The following ACTG2 variants were observed in gnomAD, a reference collection of about 807,000 sequenced individuals.
ACTG2 encodes the protein actin, gamma-enteric smooth muscle.
In ACTG2, 16 loss-of-function variants were observed where a neutral mutation model predicts 37.6. The observed-to-expected ratio is 0.43, with a 90% CI of 0.29 to 0.65. The LOEUF (loss-of-function observed/expected upper bound fraction) is 0.65. ACTG2 is among the 30% of genes least tolerant of loss of function. The probability of loss-of-function intolerance (pLI) is 0.18; values close to 1 mark genes in which losing one functional copy is unlikely to be tolerated. For synonymous variants in ACTG2, 181 were observed against 179.9 expected (o/e 1.01, Z -0.05); for missense variants, 238 against 490.9 (o/e 0.48, Z 4.87).
intron 5 of ACTG2, among the ~76,000 whole-genome samples, chr2:73,913,022 A>G (rs1653267): frequency 0.6 from 91,370 of 151,442 alleles, 28,489 homozygotes; most frequent in Admixed American, 0.72. Context: ...ACAAAAAATT[A>G]GCCGGGCGTG....
At chr2:73,903,768 C>T (rs191135752) in intron 3 of ACTG2, among the ~76,000 whole-genome samples, 147 of 151,918 alleles carry the variant, frequency 9.7e-4, no homozygotes, top group African/African-American at 3.3e-3. Context: ...GATGAAACCC[C>T]GTCTCTACTA....
At chr2:73,898,039 A>G (rs11898884) in intron 1 of ACTG2, among the ~76,000 whole-genome samples, 6,327 of 152,254 alleles carry the variant, frequency 0.042, 429 homozygotes, top group African/African-American at 0.14. Context: ...GGGCTGTAAA[A>G]AGTAAATCTA....
chr2:73,903,822 C>A (rs1679943107), intron 3 of ACTG2, among the ~76,000 whole-genome samples: 2 of 151,710 alleles, frequency 1.3e-5, no homozygotes, highest in Admixed American at 1.3e-4. Flanking sequence ...TGCCTGTAAT[C>A]CCAGCTACTC....
At chr2:73,901,932 T>A (rs1241968050) in intron 2 of ACTG2, 3 of 194,048 alleles carry the variant, frequency 1.5e-5, no homozygotes, top group Non-Finnish European at 3.1e-5. Context: ...TATCTGAGAA[T>A]AAGAAGGATT....
intron 1 of ACTG2, among the ~76,000 whole-genome samples, chr2:73,899,053 G>A (rs181196186): frequency 3.3e-5 from 5 of 151,962 alleles, no homozygotes; most frequent in East Asian, 3.9e-4. Context: ...GTCGTGATCC[G>A]CCCACCTTGG....
chr2:73,898,105 C>T (rs904756601), intron 1 of ACTG2, among the ~76,000 whole-genome samples: 5 of 151,962 alleles, frequency 3.3e-5, no homozygotes, highest in African/African-American at 1.2e-4. Flanking sequence ...GAACACAGAC[C>T]CTTTTGTTTT....
chr2:73,919,565 A>G lies in ACTG2; in HGVS notation c.1121A>G (p.Lys374Arg). The G allele has an allele frequency of 6.2e-7, 1 of 1,614,038 alleles. No homozygotes were observed. The highest frequency in any genetic ancestry group is 1.1e-5 in the South Asian group (1 of 91,068). ...DEAGPSIVHR[K>R]CF ...GCAGGGCCCTCCATTGTCCACAGGA[A>G]GTGCTTCTAAAGTCAGAACAGGTTC... Residue 374 changes from lysine to arginine, a missense_variant, in exon 9 of 9, where the codon AAG (lysine) becomes AGG (arginine). By Grantham distance (26) the Lys-to-Arg change is conservative. Transcript: ENST00000345517.
chr2:73,904,714 C>T (rs899360802), intron 3 of ACTG2, among the ~76,000 whole-genome samples: 3 of 137,908 alleles, frequency 2.2e-5, no homozygotes, highest in Non-Finnish European at 4.6e-5. Context: ...ATTATATAAT[C>T]ATTTCATTAT....
In ACTG2 at chr2:73,904,659, ATTT is replaced by A. The variant is rs34523114; in HGVS notation, c.255+2178_255+2180del. ...GGCAACAGAGTGAGACCCTATATAT[ATTT>A]TTTTTTAAAAATGTATATATGTATA... is the stretch of plus-strand genomic sequence containing the variant. On this transcript the variant is annotated intron_variant, in intron 3 of 8. Transcript: ENST00000345517. 6.7e-5 allele frequency among the ~76,000 whole-genome samples: 10 copies of A among 148,870 alleles called. 1 individual carries two copies. The highest frequency in any genetic ancestry group is 8.9e-5 in the Non-Finnish European group (6 of 67,476).
chr2:73,901,525 G>T, intron 2 of ACTG2, 88 bp downstream of exon 2: 2 of 1,320,478 alleles, frequency 1.5e-6, no homozygotes. Context: ...GGGGTTAGGG[G>T]AAGGAAATGT....
chr2:73,900,888 C>T (rs1463285790), intron 1 of ACTG2, among the ~76,000 whole-genome samples: 2 of 152,128 alleles, frequency 1.3e-5, no homozygotes, highest in African/African-American at 2.4e-5. Flanking sequence ...TGCATCCTCC[C>T]GTGGCCTACC....
chr2:73,908,419 G>A (rs922749192), intron 3 of ACTG2: 28 of 573,386 alleles, frequency 4.9e-5, no homozygotes, highest in Admixed American at 8.8e-5. Context: ...AGAGTGAAGA[G>A]GAGGGAAGGT....
intron 3 of ACTG2, among the ~76,000 whole-genome samples, chr2:73,906,376 G>A (rs988549004): frequency 2.6e-5 from 4 of 152,058 alleles, no homozygotes; most frequent in Admixed American, 6.5e-5. Context: ...CCGTGAACCC[G>A]GGAGGCGGAG....
chr2:73,913,468 A>T lies in ACTG2; in HGVS notation c.452-17A>T. 1 of 1,576,640 alleles carries T rather than the reference A, an allele frequency of 6.3e-7. No homozygotes were observed. The highest frequency in any genetic ancestry group is 8.7e-7 in the Non-Finnish European group (1 of 1,154,704). ...CAAGAATGAGAATTTTATAAGCCTGATCCTCTCTGTCCACAGGCATCGTCC... is the reference window on the plus strand; with the variant it reads ...CAAGAATGAGAATTTTATAAGCCTGTTCCTCTCTGTCCACAGGCATCGTCC... On this transcript the variant is annotated splice_polypyrimidine_tract_variant and intron_variant, in intron 5 of 8. Coordinates refer to ENST00000345517, the MANE Select transcript of ACTG2 (RefSeq NM_001615.4).
At chr2:73,916,850 C>T in intron 8 of ACTG2, 85 bp downstream of exon 8, 3 of 1,484,312 alleles carry the variant, frequency 2.0e-6, no homozygotes, top group South Asian at 2.6e-5. Context: ...GACTGCCAGA[C>T]CTGATAACTT....
At chr2:73,900,909 A>T (rs959725808) in intron 1 of ACTG2, among the ~76,000 whole-genome samples, 1 of 152,106 alleles carries the variant, frequency 6.6e-6, no homozygotes, top group Non-Finnish European at 1.5e-5. Context: ...CTCTGCATGC[A>T]TCTGGATCCT....
chr2:73,915,210 T>C (rs1313161134), intron 7 of ACTG2, among the ~76,000 whole-genome samples: 1 of 145,766 alleles, frequency 6.9e-6, no homozygotes, highest in Non-Finnish European at 1.5e-5. Flanking sequence ...TGTGGAATCA[T>C]ATTGCATGGA....
At chr2:73,901,533 TGTGTGTGTGTGTGTGTGTGTGTGTG>T (rs142489416) in intron 2 of ACTG2, 96 bp downstream of exon 2, 15,024 of 570,380 alleles carry the variant, frequency 0.026, 1,414 homozygotes, top group Non-Finnish European at 0.034. Flanking sequence ...GGGAAGGAAA[TGTGTGTGTGTGTGTGTGTGTGTGTG>T]TGTGTGTGTG....
At position 73,913,492 on chromosome 2, in the gene ACTG2, C is replaced by T; in HGVS notation, c.459C>T (p.Val153=). Reference sequence around the variant, plus strand: ...GATCCTCTCTGTCCACAGGCATCGTCCTGGATTCAGGTGATGGCGTCACCC... The same window carrying T: ...GATCCTCTCTGTCCACAGGCATCGTTCTGGATTCAGGTGATGGCGTCACCC... The part of the protein sequence containing the change: ...LYASGRTTGI[V]LDSGDGVTHN... The change falls in exon 6 of 9, where the codon GTC becomes GTT. Residue 153 remains valine, a synonymous_variant. Transcript: ENST00000345517. 6.2e-7 allele frequency: 1 copy of T among 1,607,118 alleles called. No homozygotes were observed. Among genetic ancestry groups the T allele is most frequent in the Non-Finnish European group, 8.5e-7 (1 of 1,175,008 alleles).
Sources: gnomAD v4.1 joint callset for allele counts (sites outside exome capture counted in the v4.1 genomes callset) on GRCh38, gnomAD v4.1.1 for gene constraint, MANE v1.5 for transcripts, NCBI Gene and HGNC (gene_info 2026-07-23, HGNC 2026-07-21) for gene names.